Variants in TBL1XR1 observed in about 807,000 individuals in gnomAD.
TBL1XR1 encodes the protein F-box-like/WD repeat-containing protein TBL1XR1.
In TBL1XR1, 5 loss-of-function variants were observed where a neutral mutation model predicts 66.9. That is an observed-to-expected ratio of 0.07 (90% confidence interval 0.04 to 0.16). The LOEUF (loss-of-function observed/expected upper bound fraction) is 0.16, where lower values mean the gene tolerates loss of function less well. Among genes scored for constraint, TBL1XR1 ranks in the 10% least tolerant of loss-of-function variants. TBL1XR1 has a pLI of 1.00. For missense variants in TBL1XR1, 238 were observed against 623.2 expected (o/e 0.38, Z 6.58); for synonymous variants, 210 against 206.0 (o/e 1.02, Z -0.17).
At chr3:177,113,838 T>A (rs1291211835) in intron 1 of TBL1XR1, among the ~76,000 whole-genome samples, 4 of 152,016 alleles carry the variant, frequency 2.6e-5, no homozygotes, top group Admixed American at 2.6e-4. Context: ...AGTATGAACA[T>A]TATCAAAAAG....
intron 2 of TBL1XR1, among the ~76,000 whole-genome samples, chr3:177,068,709 T>G (rs575794453): frequency 6.6e-6 from 1 of 152,334 alleles, no homozygotes; most frequent in East Asian, 1.9e-4. Context: ...AGACAGCATA[T>G]TCTTTTCTGA....
intron 1 of TBL1XR1, among the ~76,000 whole-genome samples, chr3:177,108,075 G>A (rs926726329): frequency 6.6e-6 from 1 of 151,118 alleles, no homozygotes; most frequent in Non-Finnish European, 1.5e-5. Flanking sequence ...ATAGTTTGTT[G>A]ACTCTGAAGC....
intron 1 of TBL1XR1, among the ~76,000 whole-genome samples, chr3:177,142,502 T>G (rs990484478): frequency 1.3e-5 from 2 of 152,184 alleles, no homozygotes; most frequent in African/African-American, 2.4e-5. Flanking sequence ...CATGTCTTTA[T>G]GGAGAAGTGT....
chr3:177,034,373 T>C lies in TBL1XR1; in HGVS notation c.1123-48A>G, dbSNP rs1414478140. The C allele has an allele frequency of 3.0e-6, 4 of 1,333,888 alleles. No homozygotes were observed. In the East Asian group the frequency reaches 8.0e-5, roughly 27 times the overall value. The allele number at this position is 1,333,888 out of a possible 1,614,324, so 82.6% of individuals were successfully genotyped here. A position where few individuals can be genotyped will look rare whatever the true frequency, so the allele number is the denominator to read the frequency against. On this transcript the variant is annotated intron_variant, in intron 12 of 15. Transcript: ENST00000457928. ...TACAATTATTTTTCCATACAATGAG[T>C]ATATTTAAAATATTATTTTGACACT...
chr3:177,103,635 T>G (rs891262113), intron 1 of TBL1XR1, among the ~76,000 whole-genome samples: 1 of 152,284 alleles, frequency 6.6e-6, no homozygotes, highest in African/African-American at 2.4e-5. Flanking sequence ...TTATTTAATT[T>G]ATAGATAACT....
At chr3:177,167,902 G>A (rs939254459) in intron 1 of TBL1XR1, among the ~76,000 whole-genome samples, 4 of 151,776 alleles carry the variant, frequency 2.6e-5, no homozygotes, top group Admixed American at 6.6e-5. Flanking sequence ...CTACAGCCTG[G>A]GCAACAAGAG....
intron 1 of TBL1XR1, among the ~76,000 whole-genome samples, chr3:177,143,148 T>C (rs76597083): frequency 0.016 from 2,376 of 151,980 alleles, 64 homozygotes; most frequent in African/African-American, 0.055. Context: ...TTTAGTGCTG[T>C]TGACTCTAAA....
chr3:177,058,032 C>G (rs1718026223), intron 3 of TBL1XR1, among the ~76,000 whole-genome samples: 1 of 152,146 alleles, frequency 6.6e-6, no homozygotes, highest in South Asian at 2.1e-4. Flanking sequence ...GTTAGTCATA[C>G]AGAGCCTGCC....
At chr3:177,182,804 T>C (rs1195373362) in intron 1 of TBL1XR1, among the ~76,000 whole-genome samples, 1 of 152,222 alleles carries the variant, frequency 6.6e-6, no homozygotes, top group Non-Finnish European at 1.5e-5. Context: ...TGTAACTTCA[T>C]GCAGGCAACA....
intron 2 of TBL1XR1, among the ~76,000 whole-genome samples, chr3:177,098,180 C>G (rs941596165): frequency 6.6e-6 from 1 of 151,834 alleles, no homozygotes; most frequent in African/African-American, 2.4e-5. Flanking sequence ...CCATTGCACT[C>G]CAGCCTGGCC....
intron 6 of TBL1XR1, 88 bp from the exon 7 acceptor site, chr3:177,050,226 G>T: frequency 6.8e-7 from 1 of 1,470,214 alleles, no homozygotes; most frequent in Non-Finnish European, 9.2e-7. Flanking sequence ...ATATTAATAA[G>T]GCAAATAAAA....
chr3:177,142,077 G>A (rs907380998), intron 1 of TBL1XR1, among the ~76,000 whole-genome samples: 10 of 152,110 alleles, frequency 6.6e-5, no homozygotes, highest in African/African-American at 2.4e-4. Context: ...TTGCTTAATG[G>A]GCACAGAGTT....
chr3:177,153,561 G>T (rs1318503150), intron 1 of TBL1XR1, among the ~76,000 whole-genome samples: 1 of 152,146 alleles, frequency 6.6e-6, no homozygotes, highest in South Asian at 2.1e-4. Context: ...TATGTGAAAT[G>T]CAATAATTTT....
chr3:177,043,462 T>C (rs1715882483), intron 10 of TBL1XR1, among the ~76,000 whole-genome samples: 1 of 152,210 alleles, frequency 6.6e-6, no homozygotes, highest in Non-Finnish European at 1.5e-5. Flanking sequence ...CTTATATTAA[T>C]GTAGCCATTT....
intron 13 of TBL1XR1, 136 bp downstream of exon 13, chr3:177,034,062 A>G (rs1314614852): frequency 2.1e-6 from 2 of 968,798 alleles, no homozygotes; most frequent in Admixed American, 2.9e-5. Flanking sequence ...CCACCTATAC[A>G]CCAAAAACTA....
At chr3:177,133,937 T>G (rs1488585204) in intron 1 of TBL1XR1, among the ~76,000 whole-genome samples, 2 of 151,792 alleles carry the variant, frequency 1.3e-5, no homozygotes, top group African/African-American at 4.8e-5. Flanking sequence ...CGTCTGTTGT[T>G]TTTAGTCTTC....
chr3:177,115,651 C>T (rs992527812), intron 1 of TBL1XR1, among the ~76,000 whole-genome samples: 1 of 152,112 alleles, frequency 6.6e-6, no homozygotes, highest in Admixed American at 6.6e-5. Context: ...GGTCTACAGC[C>T]CAAATTGTTT....
chr3:177,118,341 G>A (rs182357196), intron 1 of TBL1XR1, among the ~76,000 whole-genome samples: 2 of 152,202 alleles, frequency 1.3e-5, no homozygotes, highest in East Asian at 1.9e-4. Context: ...TGCCCTCATC[G>A]CTGAGTAGCT....
intron 1 of TBL1XR1, among the ~76,000 whole-genome samples, chr3:177,130,799 G>C (rs143035019): frequency 2.0e-5 from 3 of 152,258 alleles, no homozygotes; most frequent in Non-Finnish European, 2.9e-5. Context: ...CCTCAGAAAA[G>C]GTCCATCTAG....
Sources: allele counts gnomAD v4.1 joint callset (sites outside exome capture counted in the v4.1 genomes callset), GRCh38; gene constraint gnomAD v4.1.1; transcripts MANE v1.5; gene names NCBI Gene and HGNC (gene_info 2026-07-23, HGNC 2026-07-21).